Variants in DMD observed in about 807,000 individuals in gnomAD.
DMD encodes dystrophin, also known as mutant dystrophin.
DMD carries 63 observed loss-of-function variants against 330.1 expected under a neutral mutation model. The observed-to-expected ratio is 0.19, with a 90% CI of 0.16 to 0.24. The LOEUF (loss-of-function observed/expected upper bound fraction) is 0.24. Ranked by LOEUF, DMD falls within the 10% of genes least tolerant of loss-of-function variation. The pLI is 1.00. For missense variants in DMD, 3,344 were observed against 2,684.1 expected, an observed-to-expected ratio of 1.25 and a Z score of -5.43; for synonymous variants, 1,223 against 959.8, an observed-to-expected ratio of 1.27 and a Z score of -5.07.
chrX:33,323,121 C>G (rs887115977), intron 1 of DMD, among the ~76,000 whole-genome samples: 3 of 111,661 alleles, frequency 2.7e-5, no homozygotes, highest in Non-Finnish European at 5.7e-5. Flanking sequence ...TTATTTAAAC[C>G]TATTGATGCT....
chrX:32,324,015 AAG>A (rs1310968578), intron 41 of DMD, among the ~76,000 whole-genome samples: 1 of 110,748 alleles, frequency 9.0e-6, no homozygotes, highest in Non-Finnish European at 1.9e-5. Context: ...GGAATGGGTG[AAG>A]AGAGATTGGT....
At chrX:31,982,092 C>T (rs901244076) in intron 44 of DMD, among the ~76,000 whole-genome samples, 3 of 112,291 alleles carry the variant, frequency 2.7e-5, no homozygotes, top group African/African-American at 9.7e-5. Flanking sequence ...CGTTCTTACA[C>T]CAGACATGTG....
rs2065472551 is a variant in DMD at position 31,448,743 on chromosome X, A to AT, written c.8938-4117dup. On this transcript the variant is annotated intron_variant, in intron 59 of 78. Transcript: ENST00000357033. ...TCTTTGAATCACTTAAACATCTGGA[A>AT]TATGTTCTCCATGAAAGAGCAAACC... Among the ~76,000 whole-genome samples, 3 of 111,926 alleles carry AT rather than the reference A, an allele frequency of 2.7e-5. No individual in the cohort carries two copies. In the South Asian group the frequency reaches 1.1e-3, roughly 42 times the overall value.
intron 74 of DMD, among the ~76,000 whole-genome samples, chrX:31,164,393 G>A (rs898707931): frequency 9.0e-6 from 1 of 111,463 alleles, no homozygotes; most frequent in Non-Finnish European, 1.9e-5. Flanking sequence ...CAGCCCTTCA[G>A]GAAGGACCTC....
intron 45 of DMD, among the ~76,000 whole-genome samples, chrX:31,961,734 G>A (rs1397776670): frequency 1.2e-5 from 1 of 81,611 alleles, no homozygotes; most frequent in African/African-American, 6.1e-5. Context: ...TCAACCAAAG[G>A]AAGCGGTTTT....
chrX:32,483,581 G>T (rs560971971), intron 21 of DMD, among the ~76,000 whole-genome samples: 31 of 109,064 alleles, frequency 2.8e-4, no homozygotes, highest in African/African-American at 1.0e-3. Context: ...TTGCTGCATA[G>T]CCACTAAATG....
At chrX:33,271,707 G>A (rs2053158010) in intron 1 of DMD, among the ~76,000 whole-genome samples, 1 of 102,398 alleles carries the variant, frequency 9.8e-6, no homozygotes, top group African/African-American at 3.6e-5. Context: ...CGGAGGTTGT[G>A]GTGAGCCGAG....
chrX:31,828,184 G>C (rs144926899), intron 49 of DMD, among the ~76,000 whole-genome samples: 1,815 of 111,924 alleles, frequency 0.016, 15 homozygotes, highest in Non-Finnish European at 0.025. Context: ...GGAAAGAAGA[G>C]AGAAGATTCA....
chrX:33,136,131 G>A (rs1032252599), intron 1 of DMD, among the ~76,000 whole-genome samples: 4 of 110,122 alleles, frequency 3.6e-5, no homozygotes, highest in East Asian at 2.9e-4. Context: ...CCTGAGCAAC[G>A]TAGTGAGACC....
chrX:32,695,151 G>A (rs1471448483), intron 9 of DMD, among the ~76,000 whole-genome samples: 1 of 112,239 alleles, frequency 8.9e-6, no homozygotes, highest in East Asian at 2.8e-4. Flanking sequence ...CTCTATGTGT[G>A]CGTAACGCAA....
chrX:32,747,774 G>A (rs113470379), intron 7 of DMD, among the ~76,000 whole-genome samples: 5 of 109,780 alleles, frequency 4.6e-5, no homozygotes, highest in Non-Finnish European at 5.7e-5. Context: ...CCAACATGCC[G>A]GGGAGGAATC....
At chrX:32,239,088 G>C (rs907009592) in intron 43 of DMD, among the ~76,000 whole-genome samples, 3 of 111,607 alleles carry the variant, frequency 2.7e-5, no homozygotes, top group Non-Finnish European at 3.8e-5. Context: ...TGGCTGCATG[G>C]TGCATTCCTC....
intron 44 of DMD, among the ~76,000 whole-genome samples, chrX:32,036,648 C>T (rs2095949210): frequency 9.0e-6 from 1 of 111,268 alleles, no homozygotes; most frequent in African/African-American, 3.3e-5. Context: ...ATTCTTGTAG[C>T]TTCCTCAGAA....
intron 51 of DMD, among the ~76,000 whole-genome samples, chrX:31,749,281 C>T (rs867690322): frequency 0.011 from 958 of 90,883 alleles, 19 homozygotes; most frequent in Admixed American, 0.033. Flanking sequence ...CTCCCAATGC[C>T]ATCCCTCCCC....
chrX:31,379,037 T>C lies in DMD; in HGVS notation c.9085-30403A>G, dbSNP rs757772078. ...ATGTCCAGGCATTCTTTTACACATC[T>C]GCCCCTCCCCAGTCTCTGTTCCCAA... On this transcript the variant is annotated intron_variant, in intron 60 of 78. Transcript: ENST00000357033. Among the ~76,000 whole-genome samples the C allele has an allele frequency of 8.1e-5, 9 of 110,471 alleles. No homozygotes were observed. In the South Asian group the frequency reaches 3.6e-3, roughly 44 times the overall value.
intron 71 of DMD, among the ~76,000 whole-genome samples, chrX:31,177,226 G>C (rs1461221378): frequency 9.0e-6 from 1 of 111,218 alleles, no homozygotes; most frequent in East Asian, 2.8e-4. Flanking sequence ...TCATCTGCTG[G>C]TATCTAAGCT....
chrX:32,167,938 A>G (rs753115159), intron 44 of DMD, among the ~76,000 whole-genome samples: 1 of 112,525 alleles, frequency 8.9e-6, no homozygotes, highest in Non-Finnish European at 1.9e-5. Context: ...TTTAGGGTCA[A>G]TATTTAGTTT....
intron 33 of DMD, among the ~76,000 whole-genome samples, chrX:32,381,912 G>A (rs189913180): frequency 6.3e-5 from 7 of 110,586 alleles, no homozygotes; most frequent in African/African-American, 2.0e-4. Context: ...GATACGTAGT[G>A]GACTCTCGAC....
At chrX:33,114,339 A>C (rs1228078832) in intron 1 of DMD, among the ~76,000 whole-genome samples, 1 of 109,921 alleles carries the variant, frequency 9.1e-6, no homozygotes, top group Non-Finnish European at 1.9e-5. Flanking sequence ...CGAACTCCTG[A>C]CCTCAGGTGA....
Sources: allele counts gnomAD v4.1 joint callset (sites outside exome capture counted in the v4.1 genomes callset), GRCh38; gene constraint gnomAD v4.1.1; transcripts MANE v1.5; gene names NCBI Gene and HGNC (gene_info 2026-07-23, HGNC 2026-07-21).